UBE4B: variants seen among roughly 807,000 people sequenced by gnomAD.
The protein encoded by UBE4B is ubiquitination factor E4B.
UBE4B carries 27 observed loss-of-function variants against 148.1 expected under a neutral mutation model. That is an observed-to-expected ratio of 0.18 (90% CI 0.13 to 0.25). The LOEUF is 0.25. UBE4B is among the 10% of genes least tolerant of loss of function. The pLI is 1.00. For missense variants in UBE4B, 1,170 were observed against 1,662.4 expected, an observed-to-expected ratio of 0.70 and a Z score of 5.15; for synonymous variants, 596 against 619.3, an observed-to-expected ratio of 0.96 and a Z score of 0.56.
chr1:10,153,835 C>A (rs1252867390), intron 21 of UBE4B, among the ~76,000 whole-genome samples: 5 of 152,194 alleles, frequency 3.3e-5, no homozygotes, highest in African/African-American at 1.2e-4. Flanking sequence ...GTAATCCCAG[C>A]ACTTTGGGAG....
chr1:10,139,224 C>T (rs546919239), intron 17 of UBE4B, among the ~76,000 whole-genome samples: 9 of 151,840 alleles, frequency 5.9e-5, no homozygotes, highest in East Asian at 1.9e-4. Flanking sequence ...AGTGAAAACC[C>T]GTCTCTACTA....
chr1:10,094,821 C>T (rs1420973482), intron 2 of UBE4B, among the ~76,000 whole-genome samples: 10 of 150,740 alleles, frequency 6.6e-5, no homozygotes, highest in African/African-American at 2.4e-4. Flanking sequence ...GATGGAGTCT[C>T]GCTCTGTCAC....
intron 11 of UBE4B, among the ~76,000 whole-genome samples, chr1:10,128,164 G>A (rs536189482): frequency 1.2e-4 from 18 of 152,212 alleles, no homozygotes; most frequent in Non-Finnish European, 2.5e-4. Context: ...ACCATATTAT[G>A]TAGATGTTCC....
chr1:10,074,812 G>T (rs890814856), intron 2 of UBE4B, among the ~76,000 whole-genome samples: 2 of 152,118 alleles, frequency 1.3e-5, no homozygotes, highest in Non-Finnish European at 2.9e-5. Flanking sequence ...TTTCCATCCA[G>T]CTTTATTCTC....
chr1:10,095,737 A>C, intron 3 of UBE4B, 141 bp downstream of exon 3: 2 of 916,182 alleles, frequency 2.2e-6, no homozygotes, highest in Non-Finnish European at 3.2e-6. Flanking sequence ...AAATGTATTA[A>C]ATTTAAAGAT....
At chr1:10,132,271 A>G in intron 14 of UBE4B, 98 bp from the exon 15 acceptor site, 1 of 787,778 alleles carries the variant, frequency 1.3e-6, no homozygotes, top group East Asian at 2.7e-5. Flanking sequence ...GTGGGAGAGG[A>G]GAGAACGTGG....
chr1:10,152,083 C>T (rs1177963845), intron 21 of UBE4B, among the ~76,000 whole-genome samples: 4 of 151,270 alleles, frequency 2.6e-5, no homozygotes, highest in African/African-American at 9.7e-5. Context: ...ATGGTGAAAC[C>T]CCATCTCTAC....
chr1:10,069,146 A>G (rs1249039833), intron 1 of UBE4B, among the ~76,000 whole-genome samples: 2 of 152,226 alleles, frequency 1.3e-5, no homozygotes, highest in African/African-American at 4.8e-5. Flanking sequence ...TGAGTAGAAC[A>G]TCTGAATTTA....
At chr1:10,044,458 G>C (rs1322315921) in intron 1 of UBE4B, among the ~76,000 whole-genome samples, 1 of 150,480 alleles carries the variant, frequency 6.6e-6, no homozygotes, top group African/African-American at 2.4e-5. Flanking sequence ...TTTTTCCATG[G>C]GTGGTGGTGG....
chr1:10,122,879 G>C (rs1273809403), intron 10 of UBE4B, among the ~76,000 whole-genome samples: 4 of 152,224 alleles, frequency 2.6e-5, no homozygotes, highest in African/African-American at 9.6e-5. Context: ...CTTTCACTCT[G>C]TTTTATACCT....
At chr1:10,103,759 T>C (rs1347160149) in intron 5 of UBE4B, among the ~76,000 whole-genome samples, 1 of 151,436 alleles carries the variant, frequency 6.6e-6, no homozygotes, top group African/African-American at 2.4e-5. Context: ...GCCTCCCGAG[T>C]TGGGATTACA....
chr1:10,062,943 T>C (rs58453167), intron 1 of UBE4B, among the ~76,000 whole-genome samples: 6,358 of 127,230 alleles, frequency 0.05, 190 homozygotes, highest in African/African-American at 0.1. Flanking sequence ...GAAACAAGAG[T>C]GAAACTCCGT....
intron 24 of UBE4B, 53 bp from the exon 25 acceptor site, chr1:10,171,085 C>T: frequency 6.5e-7 from 1 of 1,544,248 alleles, no homozygotes; most frequent in South Asian, 1.3e-5. Flanking sequence ...GTTTTTGGTC[C>T]TTTTCACTTG....
At chr1:10,137,925 T>A (rs1645718233) in intron 17 of UBE4B, among the ~76,000 whole-genome samples, 3 of 103,770 alleles carry the variant, frequency 2.9e-5, no homozygotes, top group Non-Finnish European at 5.6e-5. Context: ...CTAATTCTTT[T>A]TTTTTTTTTT....
intron 1 of UBE4B, among the ~76,000 whole-genome samples, chr1:10,040,067 G>A (rs1244603300): frequency 1.3e-5 from 2 of 152,030 alleles, no homozygotes; most frequent in African/African-American, 2.4e-5. Flanking sequence ...GGATAGATAA[G>A]GGTTGAATAA....
At chr1:10,056,383 A>G (rs1644169445) in intron 1 of UBE4B, among the ~76,000 whole-genome samples, 1 of 152,326 alleles carries the variant, frequency 6.6e-6, no homozygotes, top group Middle Eastern at 3.4e-3. Context: ...AAAAAAGACT[A>G]TTTACTGTGT....
intron 17 of UBE4B, among the ~76,000 whole-genome samples, chr1:10,139,007 A>G (rs1645741558): frequency 6.6e-6 from 1 of 152,126 alleles, no homozygotes; most frequent in Non-Finnish European, 1.5e-5. Context: ...TCTGTTTAGG[A>G]TTTTTGCATC....
At chr1:10,156,766 A>G (rs1356789866) in intron 21 of UBE4B, among the ~76,000 whole-genome samples, 1 of 152,172 alleles carries the variant, frequency 6.6e-6, no homozygotes, top group Non-Finnish European at 1.5e-5. Flanking sequence ...GAATATACAT[A>G]AGTACTTTCG....
chr1:10,115,041 CTTTCACCT>C (rs1645284634), intron 7 of UBE4B, among the ~76,000 whole-genome samples: 1 of 152,098 alleles, frequency 6.6e-6, no homozygotes, highest in Non-Finnish European at 1.5e-5. Context: ...TCTCCCTTTG[CTTTCACCT>C]GTCAGGCCTA....
Sources: gnomAD v4.1 joint callset for allele counts (sites outside exome capture counted in the v4.1 genomes callset) on GRCh38, gnomAD v4.1.1 for gene constraint, MANE v1.5 for transcripts, NCBI Gene and HGNC (gene_info 2026-07-23, HGNC 2026-07-21) for gene names.